CACNA2D3: variants seen among roughly 807,000 people sequenced by gnomAD.
CACNA2D3 encodes the protein calcium voltage-gated channel auxiliary subunit alpha2delta 3.
CACNA2D3 carries 60 observed loss-of-function variants against 160.6 expected under a neutral mutation model. The observed-to-expected ratio is 0.37, with a 90% CI of 0.30 to 0.46. The LOEUF is 0.46. Ranked by LOEUF, CACNA2D3 falls within the 20% of genes least tolerant of loss-of-function variation. CACNA2D3 has a pLI of 1.00. For synonymous variants in CACNA2D3, 558 were observed against 492.9 expected (o/e 1.13, Z -1.75); for missense variants, 1,205 against 1,365.0 (o/e 0.88, Z 1.85).
chr3:54,881,063 G>C (rs528685053), intron 21 of CACNA2D3, among the ~76,000 whole-genome samples, 200 bp downstream of exon 21: 1 of 152,236 alleles, frequency 6.6e-6, no homozygotes, highest in African/African-American at 2.4e-5. Flanking sequence ...AATGACAGGA[G>C]TTCCGATTCA....
intron 5 of CACNA2D3, among the ~76,000 whole-genome samples, chr3:54,507,884 G>A (rs771989071): frequency 1.3e-5 from 2 of 152,132 alleles, no homozygotes; most frequent in Non-Finnish European, 2.9e-5. Context: ...GAGTTGCCTC[G>A]GGGGATGTGC....
intron 12 of CACNA2D3, 86 bp from the exon 13 acceptor site, chr3:54,764,132 G>GGGCAAGAAGGCAT (rs1702173714): frequency 1.4e-6 from 2 of 1,446,388 alleles, no homozygotes. Context: ...ACTAGCTAGA[G>GGGCAAGAAGGCAT]GGCAAGAAGG....
At chr3:54,597,916 A>G (rs1414366396) in intron 9 of CACNA2D3, among the ~76,000 whole-genome samples, 3 of 152,098 alleles carry the variant, frequency 2.0e-5, no homozygotes, top group Non-Finnish European at 4.4e-5. Context: ...AGTCTTAGCC[A>G]TGGTGACCAG....
At chr3:54,817,137 A>G (rs1279496200) in intron 14 of CACNA2D3, among the ~76,000 whole-genome samples, 2 of 152,228 alleles carry the variant, frequency 1.3e-5, no homozygotes, top group Non-Finnish European at 2.9e-5. Flanking sequence ...GAATTATCAA[A>G]TAATAGGTCA....
At chr3:54,442,164 A>G (rs572648770) in intron 4 of CACNA2D3, among the ~76,000 whole-genome samples, 3 of 152,210 alleles carry the variant, frequency 2.0e-5, no homozygotes, top group South Asian at 4.2e-4. Context: ...AGTGGTCTCT[A>G]TAGGATAATT....
intron 6 of CACNA2D3, among the ~76,000 whole-genome samples, chr3:54,568,418 G>A (rs995841332): frequency 3.3e-5 from 5 of 152,104 alleles, no homozygotes; most frequent in South Asian, 2.1e-4. Context: ...AACACCTCCC[G>A]TGGGTCAACA....
rs987584669 is a variant in CACNA2D3, at chr3:54,726,751, A to G, written c.1168-25848A>G. Among the ~76,000 whole-genome samples, 4 of 152,226 alleles carry G rather than the reference A, an allele frequency of 2.6e-5. No individual in the cohort carries two copies. The South Asian group carries it at 8.3e-4, about 31-fold the overall frequency. The stretch of plus-strand genomic sequence containing the variant: ...ACTGGACCCCTCCCTTACACCTTAT[A>G]CAAAAATCAACTCAAGGTGGATCAA... On this transcript the variant is annotated intron_variant, in intron 11 of 37. Coordinates refer to ENST00000474759, the MANE Select transcript of CACNA2D3 (RefSeq NM_018398.3).
intron 9 of CACNA2D3, among the ~76,000 whole-genome samples, chr3:54,591,360 G>A (rs1411319994): frequency 6.6e-6 from 1 of 152,100 alleles, no homozygotes. Context: ...CTCAAGGGGT[G>A]GGGCAGCCTA....
chr3:54,486,434 C>G (rs1701016521), intron 4 of CACNA2D3, among the ~76,000 whole-genome samples: 1 of 152,150 alleles, frequency 6.6e-6, no homozygotes, highest in South Asian at 2.1e-4. Context: ...TGAACACTTT[C>G]TCAGGACTCC....
chr3:54,385,810 C>T (rs1202956387), intron 3 of CACNA2D3: 1 of 420,176 alleles, frequency 2.4e-6, no homozygotes, highest in Admixed American at 3.6e-5. Context: ...AAGTTAAAGA[C>T]AGCATAGGAT....
chr3:54,902,037 C>A (rs901786640), intron 27 of CACNA2D3, among the ~76,000 whole-genome samples: 2 of 152,188 alleles, frequency 1.3e-5, no homozygotes, highest in Non-Finnish European at 2.9e-5. Flanking sequence ...CTTGTTTTGG[C>A]AGATGAAGAT....
intron 35 of CACNA2D3, among the ~76,000 whole-genome samples, chr3:55,033,130 TG>T (rs1436924065): frequency 6.6e-6 from 1 of 152,120 alleles, no homozygotes; most frequent in African/African-American, 2.4e-5. Context: ...GGAGGGGGCT[TG>T]CCTGAGGTCC....
chr3:54,194,117 G>T (rs1162611377), intron 2 of CACNA2D3, among the ~76,000 whole-genome samples: 1 of 152,016 alleles, frequency 6.6e-6, no homozygotes, highest in Non-Finnish European at 1.5e-5. Context: ...TTGGTTAATG[G>T]GTACAAACAT....
At chr3:54,228,558 A>G (rs573458245) in intron 2 of CACNA2D3, among the ~76,000 whole-genome samples, 2 of 152,328 alleles carry the variant, frequency 1.3e-5, no homozygotes, top group East Asian at 3.9e-4. Flanking sequence ...CTCTTTAGCA[A>G]CTTCATGGGG....
chr3:54,259,984 T>G (rs1264392089), intron 2 of CACNA2D3, among the ~76,000 whole-genome samples: 1 of 152,200 alleles, frequency 6.6e-6, no homozygotes, highest in African/African-American at 2.4e-5. Flanking sequence ...TCCTCCTCCT[T>G]CTCCTTGGGA....
chr3:54,834,232 A>G (rs1575502354), intron 14 of CACNA2D3, among the ~76,000 whole-genome samples: 2 of 152,182 alleles, frequency 1.3e-5, no homozygotes, highest in Admixed American at 6.5e-5. Flanking sequence ...ATTATTGTCA[A>G]TGGTATGTTT....
At chr3:54,809,243 T>G (rs1334305348) in intron 13 of CACNA2D3, among the ~76,000 whole-genome samples, 1 of 149,198 alleles carries the variant, frequency 6.7e-6, no homozygotes, top group Non-Finnish European at 1.5e-5. Context: ...TTTCTCTCCC[T>G]CTCTCTTCCT....
chr3:54,969,537 G>A (rs1280937022), intron 28 of CACNA2D3, among the ~76,000 whole-genome samples: 3 of 152,162 alleles, frequency 2.0e-5, no homozygotes, highest in Non-Finnish European at 2.9e-5. Flanking sequence ...AGGGATTACA[G>A]GTGTGAGCCA....
intron 4 of CACNA2D3, among the ~76,000 whole-genome samples, chr3:54,439,160 C>T (rs998731771): frequency 6.6e-6 from 1 of 152,192 alleles, no homozygotes; most frequent in Non-Finnish European, 1.5e-5. Context: ...GGGGTGCCCA[C>T]CTCCCATCTT....
Sources: gnomAD v4.1 joint callset for allele counts (sites outside exome capture counted in the v4.1 genomes callset) on GRCh38, gnomAD v4.1.1 for gene constraint, MANE v1.5 for transcripts, NCBI Gene and HGNC (gene_info 2026-07-23, HGNC 2026-07-21) for gene names.